TOM1L2: variants seen among roughly 807,000 people sequenced by gnomAD.
TOM1L2 encodes the protein TOM1-like protein 2.
TOM1L2 carries 31 observed loss-of-function variants against 67.9 expected under a neutral mutation model. That is an observed-to-expected ratio of 0.46 (90% CI 0.34 to 0.62). The LOEUF is 0.62. Ranked by LOEUF, TOM1L2 falls within the 20% of genes least tolerant of loss-of-function variation. TOM1L2 has a pLI of 0.01. For synonymous variants in TOM1L2, 256 were observed against 254.0 expected (o/e 1.01, Z -0.07); for missense variants, 606 against 663.5 (o/e 0.91, Z 0.95).
chr17:17,879,489 G>A (rs1475041277), intron 7 of TOM1L2, 138 bp downstream of exon 7: 1 of 666,170 alleles, frequency 1.5e-6, no homozygotes, highest in Non-Finnish European at 2.7e-6. Context: ...GAGGCTGCAT[G>A]TGTGCTCACA....
chr17:17,965,751 G>A (rs2041850317), intron 1 of TOM1L2, among the ~76,000 whole-genome samples: 2 of 152,158 alleles, frequency 1.3e-5, no homozygotes, highest in Admixed American at 6.5e-5. Flanking sequence ...TGTGAGGATC[G>A]AATGACTGCA....
intron 1 of TOM1L2, among the ~76,000 whole-genome samples, chr17:17,950,026 A>G (rs978532690): frequency 4.6e-5 from 7 of 151,554 alleles, no homozygotes; most frequent in Admixed American, 4.6e-4. Context: ...GCCCACCACC[A>G]TGCCTGGCTA....
chr17:17,884,751 A>T lies in TOM1L2; in HGVS notation c.384T>A (p.Phe128Leu), dbSNP rs763374689. ...CGCCGGTGAGATCAGGACTGCTTCG[A>T]AAGGCATCAGCCCATGCCTGGGATA... ...LALIQAWADAFRSSPDLTGVV... is the reference protein window; with the variant it reads ...LALIQAWADALRSSPDLTGVV... The change falls in exon 5 of 15, where the codon TTT (phenylalanine) becomes TTA (leucine). Residue 128 changes from phenylalanine (F) to leucine (L), a missense_variant. By Grantham distance (22) the Phe-to-Leu change is conservative. Around this residue, in one of 2 missense-constraint regions of TOM1L2, gnomAD observed 543 missense variants for 554.0 expected, o/e 0.98. Transcript: ENST00000379504. 13 of 1,613,494 alleles carry T rather than the reference A, an allele frequency of 8.1e-6. No individual in the cohort carries two copies. The highest frequency in any genetic ancestry group is 1.1e-5 in the Non-Finnish European group (13 of 1,180,050).
At chr17:17,867,254 T>C (rs1231503767) in intron 8 of TOM1L2, among the ~76,000 whole-genome samples, 1 of 151,730 alleles carries the variant, frequency 6.6e-6, no homozygotes, top group African/African-American at 2.4e-5. Context: ...ACCTTGGAGC[T>C]GCAGACTCCC....
At chr17:17,946,320 T>C (rs1046477571) in intron 1 of TOM1L2, among the ~76,000 whole-genome samples, 2 of 152,184 alleles carry the variant, frequency 1.3e-5, no homozygotes, top group Admixed American at 6.5e-5. Flanking sequence ...CTCTAGAATA[T>C]ATTCATCATC....
intron 8 of TOM1L2, 28 bp downstream of exon 8, chr17:17,869,308 GAAAA>G (rs34879782): frequency 2.6e-5 from 39 of 1,516,670 alleles, no homozygotes; most frequent in South Asian, 1.5e-4. Context: ...CTTTTCAAGG[GAAAA>G]AAAAAAAAAA....
chr17:17,873,317 C>A (rs2037249036), intron 7 of TOM1L2, among the ~76,000 whole-genome samples: 1 of 152,174 alleles, frequency 6.6e-6, no homozygotes, highest in African/African-American at 2.4e-5. Flanking sequence ...ACGTACTTCC[C>A]ATTTATTCAT....
intron 1 of TOM1L2, among the ~76,000 whole-genome samples, chr17:17,910,333 G>A (rs188327042): frequency 2.0e-5 from 3 of 152,338 alleles, no homozygotes; most frequent in African/African-American, 7.2e-5. Context: ...GCAGGGACTA[G>A]GTCTGTCTTG....
intron 1 of TOM1L2, among the ~76,000 whole-genome samples, chr17:17,923,356 G>A (rs11658804): frequency 0.027 from 4,176 of 152,138 alleles, 75 homozygotes; most frequent in Middle Eastern, 0.041. Flanking sequence ...AGCCGAGATC[G>A]CGCCACTGCA....
chr17:17,870,900 C>G (rs943304067), intron 7 of TOM1L2, among the ~76,000 whole-genome samples: 7 of 152,226 alleles, frequency 4.6e-5, no homozygotes, highest in Non-Finnish European at 1.0e-4. Flanking sequence ...AGGCATCCCC[C>G]CTGCATGTCC....
intron 8 of TOM1L2, chr17:17,868,989 A>G (rs2037000904): frequency 5.2e-6 from 1 of 190,838 alleles, no homozygotes; most frequent in East Asian, 1.2e-4. Context: ...AATTCAAAGG[A>G]TCATCAAAGG....
At chr17:17,955,264 G>T (rs1000354583) in intron 1 of TOM1L2, among the ~76,000 whole-genome samples, 3 of 151,004 alleles carry the variant, frequency 2.0e-5, no homozygotes, top group Admixed American at 6.6e-5. Flanking sequence ...CCGGCAGAGG[G>T]CCCTCACTTC....
At chr17:17,921,150 C>T (rs1359136586) in intron 1 of TOM1L2, among the ~76,000 whole-genome samples, 1 of 152,194 alleles carries the variant, frequency 6.6e-6, no homozygotes, top group African/African-American at 2.4e-5. Flanking sequence ...AACTCTCAAA[C>T]TCCCCAACTT....
Position 17,886,977 on chromosome 17 carries a change from G to T in TOM1L2, c.367-2209C>A, listed in dbSNP as rs367643455. Among the ~76,000 whole-genome samples, 16 of 152,364 alleles carry T rather than the reference G, an allele frequency of 1.1e-4. No individual in the cohort carries two copies. The East Asian group carries it at 2.9e-3, about 28-fold the overall frequency. On this transcript the variant is annotated intron_variant, in intron 4 of 14. Transcript: ENST00000379504. ...ACTCCAGGGCCATGTGCCAGCACAG[G>T]ACTGGAAGCAGAGACAGCCTATGTT...
At chr17:17,918,038 C>T (rs552597743) in intron 1 of TOM1L2, among the ~76,000 whole-genome samples, 2 of 152,170 alleles carry the variant, frequency 1.3e-5, no homozygotes, top group South Asian at 2.1e-4. Flanking sequence ...CTTTCAGCAA[C>T]GTTTTATAGT....
Position 17,893,884 on chromosome 17 carries a change from C to T in TOM1L2, c.217-74G>A, listed in dbSNP as rs1215537397. 1.3e-5 allele frequency: 19 copies of T among 1,490,162 alleles called. No homozygotes were observed. In the East Asian group the frequency reaches 4.1e-4, roughly 32 times the overall value. The allele number at this position is 1,490,162 out of a possible 1,614,324, so 92.3% of individuals were successfully genotyped here. A position where few individuals can be genotyped will look rare whatever the true frequency, so the allele number is the denominator to read the frequency against. On this transcript the variant is annotated intron_variant, in intron 3 of 14. Coordinates refer to ENST00000379504, the MANE Select transcript of TOM1L2 (RefSeq NM_001082968.2). ...AGACACTGGGAACTGAGGAGCGCAG[C>T]TGAGTTTCCACCATCCCCTCTGTCT...
intron 1 of TOM1L2, among the ~76,000 whole-genome samples, chr17:17,917,079 G>T (rs2039656693): frequency 1.3e-5 from 2 of 152,298 alleles, no homozygotes; most frequent in South Asian, 4.1e-4. Context: ...AGAGTCACTT[G>T]AACTCAGCAG....
chr17:17,865,438 G>A (rs376565471), intron 10 of TOM1L2, among the ~76,000 whole-genome samples: 28 of 152,068 alleles, frequency 1.8e-4, no homozygotes, highest in Middle Eastern at 3.4e-3. Context: ...GTGCAATGGC[G>A]CGATCTCGGC....
At chr17:17,850,049 T>G (rs2035870914) in intron 13 of TOM1L2, among the ~76,000 whole-genome samples, 1 of 152,124 alleles carries the variant, frequency 6.6e-6, no homozygotes, top group African/African-American at 2.4e-5. Flanking sequence ...GCTGACCCTG[T>G]GGTTAAAGAA....
Sources: allele counts gnomAD v4.1 joint callset (sites outside exome capture counted in the v4.1 genomes callset), GRCh38; gene constraint gnomAD v4.1.1; regional missense constraint gnomAD v4.1.1; transcripts MANE v1.5; gene names NCBI Gene and HGNC (gene_info 2026-07-23, HGNC 2026-07-21).